The following SAMSN1 variants were observed in gnomAD, a reference collection of about 807,000 sequenced individuals.
The protein encoded by SAMSN1 is SAM domain-containing protein SAMSN-1.
A neutral mutation model predicts 42.0 loss-of-function variants in SAMSN1; 31 were observed. That is an observed-to-expected ratio of 0.74 (90% CI 0.55 to 1.00). The LOEUF (loss-of-function observed/expected upper bound fraction) is 1.00. Ranked by LOEUF, SAMSN1 falls within the 50% of genes least tolerant of loss-of-function variation. The probability of loss-of-function intolerance (pLI) is 0.00; values close to 1 mark genes in which losing one functional copy is unlikely to be tolerated. For missense variants in SAMSN1, 464 were observed against 439.4 expected, an observed-to-expected ratio of 1.06 and a Z score of -0.50; for synonymous variants, 178 against 151.9, an observed-to-expected ratio of 1.17 and a Z score of -1.26.
intron 1 of SAMSN1, among the ~76,000 whole-genome samples, chr21:14,643,715 C>T (rs759792161): frequency 2.6e-5 from 4 of 152,180 alleles, no homozygotes; most frequent in Non-Finnish European, 5.9e-5. Flanking sequence ...AATCAAAATT[C>T]AGGTGAGCAC....
At chr21:14,555,482 G>A (rs1280736323) in intron 2 of SAMSN1, among the ~76,000 whole-genome samples, 2 of 152,014 alleles carry the variant, frequency 1.3e-5, no homozygotes, top group African/African-American at 4.8e-5. Context: ...ACATATAGCA[G>A]GTATTGATTC....
chr21:14,521,843 C>T (rs950361545), intron 1 of SAMSN1, among the ~76,000 whole-genome samples: 3 of 151,612 alleles, frequency 2.0e-5, no homozygotes, highest in African/African-American at 7.3e-5. Flanking sequence ...ACCTGTACAT[C>T]CTGTACATGT....
intron 4 of SAMSN1, among the ~76,000 whole-genome samples, chr21:14,511,386 T>C (rs763217958): frequency 3.9e-5 from 6 of 152,136 alleles, no homozygotes; most frequent in Non-Finnish European, 8.8e-5. Flanking sequence ...TTAATAAAAT[T>C]CTCCCCACAT....
At chr21:14,633,981 G>A (rs1983398081) in intron 2 of SAMSN1, among the ~76,000 whole-genome samples, 1 of 151,964 alleles carries the variant, frequency 6.6e-6, no homozygotes, top group Non-Finnish European at 1.5e-5. Flanking sequence ...TTTTTCCAGT[G>A]CTTTTTATCA....
At chr21:14,611,162 C>T (rs1189853376) in intron 4 of SAMSN1, among the ~76,000 whole-genome samples, 2 of 152,006 alleles carry the variant, frequency 1.3e-5, no homozygotes, top group Non-Finnish European at 2.9e-5. Flanking sequence ...TTAAACTATC[C>T]TTACCCTCTA....
intron 2 of SAMSN1, among the ~76,000 whole-genome samples, chr21:14,628,355 TG>T (rs1375601100): frequency 6.6e-6 from 1 of 152,000 alleles, no homozygotes; most frequent in Non-Finnish European, 1.5e-5. Context: ...TCACTATACA[TG>T]ATATATATTG....
At chr21:14,583,666 C>T (rs1326665674), upstream of SAMSN1, 2 of 717,308 alleles carry the variant, frequency 2.8e-6, no homozygotes, top group South Asian at 3.0e-5. Context: ...TTATTAATGT[C>T]GGTTTCACCT....
intron 1 of SAMSN1, among the ~76,000 whole-genome samples, chr21:14,646,668 A>T (rs565076353): frequency 4.3e-4 from 65 of 152,350 alleles, no homozygotes; most frequent in African/African-American, 1.5e-3. Context: ...AAGTAGGAAG[A>T]TTAAAGAATG....
intron 2 of SAMSN1, among the ~76,000 whole-genome samples, chr21:14,631,620 C>A (rs1403352095): frequency 6.6e-6 from 1 of 152,198 alleles, no homozygotes; most frequent in Admixed American, 6.5e-5. Context: ...CCACCTCCAC[C>A]TCCCAAAGTG....
At chr21:14,621,430 C>A (rs940924876) in intron 2 of SAMSN1, among the ~76,000 whole-genome samples, 1 of 152,258 alleles carries the variant, frequency 6.6e-6, no homozygotes, top group South Asian at 2.1e-4. Context: ...CCTGGAAAAT[C>A]GGGTCACTCC....
intron 3 of SAMSN1, among the ~76,000 whole-genome samples, chr21:14,516,468 T>A (rs1987922951): frequency 6.6e-6 from 1 of 152,222 alleles, no homozygotes; most frequent in Non-Finnish European, 1.5e-5. Context: ...CAGGGCTCAC[T>A]GGAACCCCCG....
intron 1 of SAMSN1, among the ~76,000 whole-genome samples, chr21:14,540,507 A>G (rs1398066621): frequency 1.3e-5 from 2 of 152,248 alleles, no homozygotes; most frequent in African/African-American, 4.8e-5. Context: ...GAAGACATTT[A>G]TGCAGCCAAA....
intron 4 of SAMSN1, among the ~76,000 whole-genome samples, chr21:14,611,703 CT>C (rs1982712148): frequency 6.6e-6 from 1 of 152,156 alleles, no homozygotes; most frequent in African/African-American, 2.4e-5. Context: ...CTGCAGGACC[CT>C]GATAGGATCC....
intron 2 of SAMSN1, among the ~76,000 whole-genome samples, chr21:14,565,378 T>C (rs1291635012): frequency 6.6e-6 from 1 of 151,132 alleles, no homozygotes; most frequent in Admixed American, 6.6e-5. Flanking sequence ...CATCCTCTAT[T>C]GATAACACTA....
At chr21:14,654,473 T>C (rs1983883936) in intron 1 of SAMSN1, among the ~76,000 whole-genome samples, 1 of 151,998 alleles carries the variant, frequency 6.6e-6, no homozygotes, top group Admixed American at 6.6e-5. Context: ...CAGACAGCAT[T>C]GGACAGATCT....
chr21:14,626,784 C>A (rs1341053132), intron 2 of SAMSN1, among the ~76,000 whole-genome samples: 1 of 152,136 alleles, frequency 6.6e-6, no homozygotes, highest in Non-Finnish European at 1.5e-5. Flanking sequence ...TGGGTATATA[C>A]CCAAAGGATT....
At chr21:14,543,923 T>A (rs1295958443) in intron 1 of SAMSN1, among the ~76,000 whole-genome samples, 1 of 152,230 alleles carries the variant, frequency 6.6e-6, no homozygotes, top group African/African-American at 2.4e-5. Flanking sequence ...CAGACCAATT[T>A]CTTGATGGTT....
chr21:14,553,119 A>G (rs1342643732), intron 2 of SAMSN1, among the ~76,000 whole-genome samples: 1 of 151,662 alleles, frequency 6.6e-6, no homozygotes, highest in Non-Finnish European at 1.5e-5. Flanking sequence ...TGCATTAGGC[A>G]TTATCTATTT....
At chr21:14,640,928 T>G (rs1319439391) in intron 2 of SAMSN1, among the ~76,000 whole-genome samples, 1 of 152,156 alleles carries the variant, frequency 6.6e-6, no homozygotes, top group Non-Finnish European at 1.5e-5. Flanking sequence ...CTCGTCTTCT[T>G]TTGCAATATA....
Sources: allele counts gnomAD v4.1 joint callset (sites outside exome capture counted in the v4.1 genomes callset), GRCh38; gene constraint gnomAD v4.1.1; transcripts MANE v1.5; gene names NCBI Gene and HGNC (gene_info 2026-07-23, HGNC 2026-07-21).